NT5C2: variants seen among roughly 807,000 people sequenced by gnomAD.
NT5C2 encodes 5'-nucleotidase, cytosolic II, also known as cytosolic purine 5'-nucleotidase.
A neutral mutation model predicts 76.1 loss-of-function variants in NT5C2; 58 were observed. The observed-to-expected ratio is 0.76, with a 90% CI of 0.62 to 0.95. NT5C2 has a LOEUF of 0.95. Ranked by LOEUF, NT5C2 falls within the 40% of genes least tolerant of loss-of-function variation. The pLI is 0.00. For synonymous variants in NT5C2, 229 were observed against 237.4 expected (o/e 0.96, Z 0.32); for missense variants, 478 against 690.3 (o/e 0.69, Z 3.45).
At chr10:103,123,742 CAG>C (rs1565069749) in intron 4 of NT5C2, among the ~76,000 whole-genome samples, 1 of 152,042 alleles carries the variant, frequency 6.6e-6, no homozygotes, top group Non-Finnish European at 1.5e-5. Context: ...TGAAACGGCT[CAG>C]AATCTAAAGT....
chr10:103,122,126 A>T (rs2075789751), intron 4 of NT5C2, among the ~76,000 whole-genome samples: 1 of 152,220 alleles, frequency 6.6e-6, no homozygotes, highest in Non-Finnish European at 1.5e-5. Flanking sequence ...GTGAGCCGAG[A>T]TCACCCCACT....
At chr10:103,099,313 A>C (rs1250813364) in intron 9 of NT5C2, among the ~76,000 whole-genome samples, 1 of 152,176 alleles carries the variant, frequency 6.6e-6, no homozygotes, top group African/African-American at 2.4e-5. Flanking sequence ...GAGCTCAAGC[A>C]ATCCACCTGC....
chr10:103,158,333 A>C (rs1591579152), intron 3 of NT5C2, among the ~76,000 whole-genome samples: 1 of 152,116 alleles, frequency 6.6e-6, no homozygotes, highest in East Asian at 1.9e-4. Flanking sequence ...GAAAAAGAAG[A>C]ACAAAATCAA....
At chr10:103,187,533 C>T (rs1165264075) in intron 1 of NT5C2, among the ~76,000 whole-genome samples, 5 of 130,576 alleles carry the variant, frequency 3.8e-5, no homozygotes, top group East Asian at 4.3e-4. Context: ...GCCTGGGGGG[C>T]AGAGTGAGAA....
chr10:103,144,404 A>G (rs564233584), intron 3 of NT5C2, among the ~76,000 whole-genome samples: 25 of 152,346 alleles, frequency 1.6e-4, no homozygotes, highest in East Asian at 1.5e-3. Flanking sequence ...ACATTACAGG[A>G]AAAAGGAGAT....
chr10:103,107,676 A>C (rs184108497), intron 4 of NT5C2, among the ~76,000 whole-genome samples: 234 of 151,532 alleles, frequency 1.5e-3, no homozygotes, highest in African/African-American at 5.1e-3. Flanking sequence ...CTGTCTAAAA[A>C]AAAAAAATAT....
chr10:103,121,506 C>T, intron 4 of NT5C2, among the ~76,000 whole-genome samples: 1 of 152,158 alleles, frequency 6.6e-6, no homozygotes, highest in East Asian at 1.9e-4. Flanking sequence ...AAAATGTTCA[C>T]TTAAATGTCA....
chr10:103,140,074 A>G (rs1279634992), intron 3 of NT5C2: 1 of 152,238 alleles, frequency 6.6e-6, no homozygotes, highest in Non-Finnish European at 1.5e-5. Context: ...ACACGTCAGC[A>G]AGCCCGGATA....
chr10:103,164,697 A>T (rs185690626), intron 3 of NT5C2, among the ~76,000 whole-genome samples: 117 of 152,330 alleles, frequency 7.7e-4, no homozygotes, highest in African/African-American at 2.7e-3. Context: ...AACATGAATA[A>T]ATCTCTCTCT....
intron 4 of NT5C2, among the ~76,000 whole-genome samples, chr10:103,127,383 C>T (rs1258196449): frequency 1.3e-5 from 2 of 152,020 alleles, no homozygotes; most frequent in Non-Finnish European, 2.9e-5. Context: ...GCAAATAAAC[C>T]GATACACAGC....
At chr10:103,159,015 A>T (rs1005443523) in intron 3 of NT5C2, among the ~76,000 whole-genome samples, 1 of 152,196 alleles carries the variant, frequency 6.6e-6, no homozygotes, top group African/African-American at 2.4e-5. Context: ...TGACTCAAAA[A>T]GAAATAGAAA....
Position 103,171,425 on chromosome 10 carries a change from T to G in NT5C2, c.101+3433A>C, listed in dbSNP as rs1261045028. Among the ~76,000 whole-genome samples, 4 of 152,210 alleles carry G rather than the reference T, an allele frequency of 2.6e-5. No individual in the cohort carries two copies. The East Asian group carries it at 7.7e-4, about 29-fold the overall frequency. The stretch of plus-strand genomic sequence containing the variant: ...CAGTTTAGCCACTTTTCCAGTAAGA[T>G]TTCAAAGTAATATTCATTTCCTTTT... On this transcript the variant is annotated intron_variant, in intron 3 of 18. Coordinates refer to ENST00000404739, the MANE Select transcript of NT5C2 (RefSeq NM_001351169.2).
intron 15 of NT5C2, among the ~76,000 whole-genome samples, 174 bp from the exon 16 acceptor site, chr10:103,091,789 C>T (rs2134587629): frequency 6.6e-6 from 1 of 152,316 alleles, no homozygotes; most frequent in African/African-American, 2.4e-5. Context: ...CTGATACCTG[C>T]TTGGAGTCTG....
chr10:103,090,241 A>G, intron 18 of NT5C2: 1 of 323,014 alleles, frequency 3.1e-6, no homozygotes, highest in Admixed American at 4.4e-5. Context: ...TTTTCTTGAG[A>G]TGGTCTCTCG....
chr10:103,127,769 G>A lies in NT5C2; in HGVS notation c.175+11637C>T, dbSNP rs183649877. ...GACGGGGTTTCACTGTGTTGGCCAG[G>A]ATGGTCTCGATCTCCTGACCTTGTG... On this transcript the variant is annotated intron_variant, in intron 4 of 18. Transcript: ENST00000404739. Among the ~76,000 whole-genome samples the A allele has an allele frequency of 2.2e-3, 340 of 152,292 alleles. 3 individuals carry two copies. Among genetic ancestry groups the A allele is most frequent in the African/African-American group, 7.8e-3 (322 of 41,548 alleles).
intron 2 of NT5C2, among the ~76,000 whole-genome samples, chr10:103,178,746 C>A (rs560519588): frequency 6.7e-6 from 1 of 149,676 alleles, no homozygotes. Flanking sequence ...AGGAGAATCG[C>A]TTTCACCTGG....
At chr10:103,109,281 T>C (rs11191560) in intron 4 of NT5C2, among the ~76,000 whole-genome samples, 13,484 of 152,192 alleles carry the variant, frequency 0.089, 839 homozygotes, top group East Asian at 0.28. Context: ...ATGTACACTG[T>C]GGATAAAAAA....
At chr10:103,123,363 T>C (rs2076063913) in intron 4 of NT5C2, among the ~76,000 whole-genome samples, 1 of 152,170 alleles carries the variant, frequency 6.6e-6, no homozygotes, top group Non-Finnish European at 1.5e-5. Context: ...ACATGTGCTA[T>C]GGTGGTTTGC....
At chr10:103,110,219 G>A (rs2072601385) in intron 4 of NT5C2, among the ~76,000 whole-genome samples, 1 of 152,140 alleles carries the variant, frequency 6.6e-6, no homozygotes, top group Admixed American at 6.5e-5. Flanking sequence ...ACTTTGGGAG[G>A]CCGGGGCGTG....
Sources: gnomAD v4.1 joint callset for allele counts (sites outside exome capture counted in the v4.1 genomes callset) on GRCh38, gnomAD v4.1.1 for gene constraint, MANE v1.5 for transcripts, NCBI Gene and HGNC (gene_info 2026-07-23, HGNC 2026-07-21) for gene names.